The following CLSTN2 variants were observed in gnomAD, a reference collection of about 807,000 sequenced individuals.
CLSTN2 encodes calsyntenin-2.
CLSTN2 carries 48 observed loss-of-function variants against 101.2 expected under a neutral mutation model. That is an observed-to-expected ratio of 0.47 (90% confidence interval 0.38 to 0.60). The LOEUF is 0.60. Among genes scored for constraint, CLSTN2 ranks in the 20% least tolerant of loss-of-function variants. The probability of loss-of-function intolerance (pLI) is 0.00; values close to 1 mark genes in which losing one functional copy is unlikely to be tolerated. For synonymous variants in CLSTN2, 481 were observed against 463.6 expected (o/e 1.04, Z -0.48); for missense variants, 1,160 against 1,238.2 (o/e 0.94, Z 0.95).
intron 2 of CLSTN2, among the ~76,000 whole-genome samples, chr3:140,229,615 G>T (rs963542083): frequency 1.3e-5 from 2 of 151,906 alleles, no homozygotes; most frequent in African/African-American, 2.4e-5. Flanking sequence ...AACCCATTCA[G>T]GCAGGCAAGG....
At chr3:140,143,485 A>C (rs913678354) in intron 1 of CLSTN2, among the ~76,000 whole-genome samples, 5 of 152,134 alleles carry the variant, frequency 3.3e-5, no homozygotes, top group African/African-American at 4.8e-5. Context: ...TTGAGAGCAG[A>C]TTTTCTTTAT....
intron 2 of CLSTN2, among the ~76,000 whole-genome samples, chr3:140,239,293 A>G (rs933870052): frequency 6.6e-6 from 1 of 152,206 alleles, no homozygotes. Flanking sequence ...ACATACACGT[A>G]TGATTACATA....
At chr3:140,483,030 A>T (rs1447354228) in intron 8 of CLSTN2, among the ~76,000 whole-genome samples, 2 of 151,932 alleles carry the variant, frequency 1.3e-5, no homozygotes, top group Non-Finnish European at 2.9e-5. Context: ...TTTAATTGTG[A>T]TGTTAGGGCG....
intron 2 of CLSTN2, among the ~76,000 whole-genome samples, chr3:140,350,766 A>G (rs1414141429): frequency 6.6e-6 from 1 of 151,874 alleles, no homozygotes; most frequent in Non-Finnish European, 1.5e-5. Context: ...CTTTGACCCC[A>G]GGTTACTGAA....
At chr3:140,415,805 A>G (rs1256280335) in intron 4 of CLSTN2, among the ~76,000 whole-genome samples, 4 of 152,224 alleles carry the variant, frequency 2.6e-5, no homozygotes, top group African/African-American at 9.6e-5. Flanking sequence ...ACCTCAAAAA[A>G]TTATGAATAG....
At chr3:140,100,714 G>A (rs1005576152) in intron 1 of CLSTN2, among the ~76,000 whole-genome samples, 5 of 152,228 alleles carry the variant, frequency 3.3e-5, no homozygotes, top group South Asian at 2.1e-4. Flanking sequence ...ATAATTTCAC[G>A]CATGTGTACA....
At position 140,192,664 on chromosome 3, in the gene CLSTN2, A is replaced by AT. The variant is rs71149071; in HGVS notation, c.232+16600dup. On this transcript the variant is annotated intron_variant, in intron 2 of 16. Coordinates refer to ENST00000458420, the MANE Select transcript of CLSTN2 (RefSeq NM_022131.3). ...TTGCATGATATATTCTTTTTTTTCC[A>AT]TTTTTTTTTGTTTTACTTTCAAACT... is the stretch of plus-strand genomic sequence containing the variant. Among the ~76,000 whole-genome samples, 44 of 149,256 alleles carry AT rather than the reference A, an allele frequency of 2.9e-4. 2 individuals carry two copies. Among genetic ancestry groups the AT allele is most frequent in the South Asian group, 8.5e-4 (4 of 4,728 alleles).
intron 5 of CLSTN2, among the ~76,000 whole-genome samples, chr3:140,441,952 A>G (rs183515657): frequency 9.9e-4 from 151 of 152,244 alleles, no homozygotes; most frequent in African/African-American, 3.4e-3. Context: ...CGGAAGTACT[A>G]TTCACATCAT....
chr3:140,256,899 G>T (rs1443434332), intron 2 of CLSTN2, among the ~76,000 whole-genome samples: 2 of 152,166 alleles, frequency 1.3e-5, no homozygotes, highest in East Asian at 1.9e-4. Flanking sequence ...CCAAGCCAGT[G>T]CACACTAGGC....
At chr3:140,393,750 T>C (rs2088148520) in intron 2 of CLSTN2, among the ~76,000 whole-genome samples, 1 of 152,194 alleles carries the variant, frequency 6.6e-6, no homozygotes, top group African/African-American at 2.4e-5. Flanking sequence ...GATCCCTTCC[T>C]TGTTTAATAA....
intron 1 of CLSTN2, among the ~76,000 whole-genome samples, chr3:139,967,951 G>A (rs77779382): frequency 5.8e-4 from 88 of 152,210 alleles, no homozygotes; most frequent in Non-Finnish European, 1.1e-3. Flanking sequence ...ACACCTCTGA[G>A]GTCCCATAGT....
intron 12 of CLSTN2, among the ~76,000 whole-genome samples, chr3:140,560,645 C>A (rs559207983): frequency 3.9e-5 from 6 of 152,290 alleles, no homozygotes; most frequent in African/African-American, 1.4e-4. Flanking sequence ...CAGCACGCTC[C>A]CTTGTACACA....
Position 140,024,102 on chromosome 3 carries a change from C to A in CLSTN2, c.109+88619C>A, listed in dbSNP as rs137965220. Among the ~76,000 whole-genome samples, 59 of 152,302 alleles carry A rather than the reference C, an allele frequency of 3.9e-4. No homozygotes were observed. The East Asian group carries it at 0.011, about 28-fold the overall frequency. On this transcript the variant is annotated intron_variant, in intron 1 of 16. Transcript: ENST00000458420. ...ATCTGGGTCTCAGTTACTTCTTCTG[C>A]AAAATGGGGGTGGATCATGTCACCA...
chr3:140,120,608 T>C (rs190415142), intron 1 of CLSTN2, among the ~76,000 whole-genome samples: 42 of 152,350 alleles, frequency 2.8e-4, no homozygotes, highest in African/African-American at 9.4e-4. Context: ...TTGGCCTTTC[T>C]GGTTACCAGC....
At chr3:140,030,282 T>C (rs985786803) in intron 1 of CLSTN2, among the ~76,000 whole-genome samples, 2 of 152,158 alleles carry the variant, frequency 1.3e-5, no homozygotes, top group Non-Finnish European at 2.9e-5. Flanking sequence ...TGAACATGGA[T>C]GTGAAGAGTT....
intron 2 of CLSTN2, among the ~76,000 whole-genome samples, chr3:140,335,436 G>T (rs1220773272): frequency 6.7e-6 from 1 of 149,654 alleles, no homozygotes; most frequent in Non-Finnish European, 1.5e-5. Flanking sequence ...GTGTGCATTT[G>T]CTCAGAAGAT....
chr3:139,980,805 C>A (rs1935901533), intron 1 of CLSTN2, among the ~76,000 whole-genome samples: 1 of 152,094 alleles, frequency 6.6e-6, no homozygotes, highest in Non-Finnish European at 1.5e-5. Flanking sequence ...CCACTGTGGG[C>A]AGAGCACTTC....
intron 2 of CLSTN2, among the ~76,000 whole-genome samples, chr3:140,312,717 T>C (rs1350723679): frequency 6.6e-6 from 1 of 152,174 alleles, no homozygotes; most frequent in Non-Finnish European, 1.5e-5. Flanking sequence ...CACAATGAAA[T>C]TGTAATTAAT....
At chr3:140,546,973 A>T (rs978125080) in intron 10 of CLSTN2, among the ~76,000 whole-genome samples, 1 of 152,210 alleles carries the variant, frequency 6.6e-6, no homozygotes, top group African/African-American at 2.4e-5. Context: ...AAGTTGTTGT[A>T]TTTCATTTGT....
Sources: gnomAD v4.1 joint callset for allele counts (sites outside exome capture counted in the v4.1 genomes callset) on GRCh38, gnomAD v4.1.1 for gene constraint, MANE v1.5 for transcripts, NCBI Gene and HGNC (gene_info 2026-07-23, HGNC 2026-07-21) for gene names.